Variants in ABTB3 observed in about 807,000 individuals in gnomAD.
ABTB3 encodes ankyrin repeat and BTB domain containing 3.
chr12:107,606,044 A>G, the ABTB3 span, among the ~76,000 whole-genome samples: 115 of 152,290 alleles, frequency 7.6e-4, no homozygotes, highest in African/African-American at 2.7e-3. Context: ...AGAGCCATCC[A>G]TAGCTGAGCT....
At chr12:107,605,515 C>T in the ABTB3 span, among the ~76,000 whole-genome samples, 1 of 152,038 alleles carries the variant, frequency 6.6e-6, no homozygotes, top group Non-Finnish European at 1.5e-5. Context: ...CTTGAAGGGT[C>T]AGAAGAAAGA....
At chr12:107,322,773 A>G in the ABTB3 span, among the ~76,000 whole-genome samples, 2 of 145,344 alleles carry the variant, frequency 1.4e-5, no homozygotes, top group Non-Finnish European at 3.0e-5. Flanking sequence ...TGCTTATTTA[A>G]ATGCAGATAG....
chr12:107,529,247 GATGA>G, the ABTB3 span, among the ~76,000 whole-genome samples: 1 of 151,172 alleles, frequency 6.6e-6, no homozygotes, highest in East Asian at 2.0e-4. Context: ...TGATGGAGAT[GATGA>G]TGGTGGTCAT....
At chr12:107,642,134 G>C in the ABTB3 span, 1 of 1,614,090 alleles carries the variant, frequency 6.2e-7, no homozygotes, top group Non-Finnish European at 8.5e-7. Flanking sequence ...GATGGCACCT[G>C]CATAGAGATT....
At chr12:107,657,549 A>G in the ABTB3 span, 1 of 1,614,246 alleles carries the variant, frequency 6.2e-7, no homozygotes, top group Non-Finnish European at 8.5e-7. Context: ...TGCGAAGGCT[A>G]CTTTCTCAAA....
the ABTB3 span, among the ~76,000 whole-genome samples, chr12:107,580,490 C>A: frequency 6.6e-6 from 1 of 152,212 alleles, no homozygotes; most frequent in Non-Finnish European, 1.5e-5. Flanking sequence ...AGGGGTGTGA[C>A]CAAGGTCCAA....
the ABTB3 span, among the ~76,000 whole-genome samples, chr12:107,431,365 C>T: frequency 1.3e-5 from 2 of 152,334 alleles, no homozygotes; most frequent in African/African-American, 4.8e-5. Context: ...AATCCCAGCA[C>T]TTTGGGAGGC....
At chr12:107,322,399 C>G in the ABTB3 span, among the ~76,000 whole-genome samples, 1 of 152,104 alleles carries the variant, frequency 6.6e-6, no homozygotes. Context: ...GTTGAATATG[C>G]AGAAGAGTTA....
the ABTB3 span, among the ~76,000 whole-genome samples, chr12:107,586,127 A>G: frequency 6.6e-5 from 10 of 152,280 alleles, no homozygotes; most frequent in Admixed American, 5.9e-4. Context: ...AGGTGTTCGG[A>G]GAGCTCCTCA....
the ABTB3 span, among the ~76,000 whole-genome samples, chr12:107,653,597 T>C: frequency 6.6e-6 from 1 of 152,104 alleles, no homozygotes; most frequent in African/African-American, 2.4e-5. Flanking sequence ...CAGCATTCAG[T>C]GAGCCCTTTT....
At chr12:107,443,493 C>A in the ABTB3 span, among the ~76,000 whole-genome samples, 1 of 151,842 alleles carries the variant, frequency 6.6e-6, no homozygotes, top group East Asian at 1.9e-4. Flanking sequence ...GTGTTCCAAG[C>A]AGAGAGAACA....
chr12:107,417,899 A>G, the ABTB3 span, among the ~76,000 whole-genome samples: 1 of 152,224 alleles, frequency 6.6e-6, no homozygotes, highest in Non-Finnish European at 1.5e-5. Flanking sequence ...CAGATAGAGA[A>G]TGACCCATGG....
the ABTB3 span, among the ~76,000 whole-genome samples, chr12:107,378,771 G>C: frequency 6.6e-6 from 1 of 152,176 alleles, no homozygotes; most frequent in Non-Finnish European, 1.5e-5. Context: ...TTGGGACTAA[G>C]AATGGATCTT....
At chr12:107,521,916 C>G in the ABTB3 span, among the ~76,000 whole-genome samples, 1 of 151,936 alleles carries the variant, frequency 6.6e-6, no homozygotes, top group Non-Finnish European at 1.5e-5. Flanking sequence ...CTCTGAGGAC[C>G]CTTGTCTTAG....
At chr12:107,343,548 G>A in the ABTB3 span, among the ~76,000 whole-genome samples, 8 of 152,224 alleles carry the variant, frequency 5.3e-5, no homozygotes, top group East Asian at 7.7e-4. Context: ...CAAACTAACA[G>A]TGGCTTAAAC....
At chr12:107,506,360 C>A in the ABTB3 span, among the ~76,000 whole-genome samples, 1 of 152,136 alleles carries the variant, frequency 6.6e-6, no homozygotes, top group Admixed American at 6.5e-5. Flanking sequence ...TGTAAGCACA[C>A]TCAAAAGGCA....
At chr12:107,591,821 A>G in the ABTB3 span, among the ~76,000 whole-genome samples, 1 of 152,228 alleles carries the variant, frequency 6.6e-6, no homozygotes, top group Non-Finnish European at 1.5e-5. Flanking sequence ...CATCAGCCCT[A>G]CAAGGGGCTT....
At chr12:107,389,299 A>T in the ABTB3 span, among the ~76,000 whole-genome samples, 12 of 152,242 alleles carry the variant, frequency 7.9e-5, no homozygotes, top group Non-Finnish European at 1.5e-4. Flanking sequence ...CATAATAGCT[A>T]AACATTTTTA....
chr12:107,531,804 A>C, the ABTB3 span, among the ~76,000 whole-genome samples: 2 of 152,114 alleles, frequency 1.3e-5, no homozygotes, highest in African/African-American at 4.8e-5. Flanking sequence ...ACTAGACTAC[A>C]TCCTGCCCTG....
Sources: allele counts gnomAD v4.1 joint callset (sites outside exome capture counted in the v4.1 genomes callset), GRCh38; gene constraint gnomAD v4.1.1; transcripts MANE v1.5; gene names NCBI Gene and HGNC (gene_info 2026-07-23, HGNC 2026-07-21).